Variants in AK7 observed in about 807,000 individuals in gnomAD.
AK7 encodes the protein ATP-AMP transphosphorylase 7.
In AK7, 78 loss-of-function variants were observed where a neutral mutation model predicts 96.6. The ratio of observed to expected loss-of-function variants is 0.81; its 90% CI spans 0.67 to 0.97. The LOEUF is 0.97. AK7 is among the 50% of genes least tolerant of loss of function. The probability of loss-of-function intolerance (pLI) is 0.00; values close to 1 mark genes in which losing one functional copy is unlikely to be tolerated. For missense variants in AK7, 855 were observed against 887.9 expected (o/e 0.96, Z 0.47); for synonymous variants, 302 against 317.2 (o/e 0.95, Z 0.51).
chr14:96,442,660 A>G, intron 6 of AK7, 70 bp from the exon 7 acceptor site: 1 of 1,185,860 alleles, frequency 8.4e-7, no homozygotes, highest in Non-Finnish European at 1.3e-6. Flanking sequence ...CTGACTGTAG[A>G]CTTATGTGTG....
intron 2 of AK7, among the ~76,000 whole-genome samples, chr14:96,402,185 GCACA>G (rs34222287): frequency 0.16 from 23,196 of 146,112 alleles, 1,811 homozygotes; most frequent in South Asian, 0.26. Flanking sequence ...ATACACAGAT[GCACA>G]CACACACACA....
At chr14:96,441,042 C>T (rs1197197006) in intron 6 of AK7, among the ~76,000 whole-genome samples, 3 of 151,908 alleles carry the variant, frequency 2.0e-5, no homozygotes, top group Non-Finnish European at 4.4e-5. Context: ...GGCAAGCGGG[C>T]ACATTCTTTT....
At chr14:96,394,420 G>A (rs189452449) in intron 1 of AK7, among the ~76,000 whole-genome samples, 2 of 152,344 alleles carry the variant, frequency 1.3e-5, no homozygotes, top group Admixed American at 6.5e-5. Flanking sequence ...TTTATAGCAT[G>A]CAATTGAGAA....
chr14:96,425,993 T>G (rs11851943), intron 5 of AK7, among the ~76,000 whole-genome samples: 10,695 of 152,206 alleles, frequency 0.07, 1,302 homozygotes, highest in African/African-American at 0.24. Context: ...GATTAGAGAA[T>G]TTAGTCCACT....
At position 96,457,878 on chromosome 14, in the gene AK7, C is replaced by T. The variant is rs182030442; in HGVS notation, c.1228-205C>T. 6.1e-3 allele frequency among the ~76,000 whole-genome samples: 931 copies of T among 152,282 alleles called. 3 individuals are homozygous for T. The highest frequency in any genetic ancestry group is 9.9e-3 in the Non-Finnish European group (675 of 68,018). On this transcript the variant is annotated intron_variant, in intron 11 of 17. Transcript: ENST00000267584. Reference sequence around the variant, plus strand: ...GGCATTAGCACAAAAATATACTATTCTCTTAAATATGCTGTAAGAAAAACC... The same window carrying T: ...GGCATTAGCACAAAAATATACTATTTTCTTAAATATGCTGTAAGAAAAACC...
intron 11 of AK7, among the ~76,000 whole-genome samples, chr14:96,457,875 A>T (rs986127338): frequency 6.6e-6 from 1 of 152,214 alleles, no homozygotes; most frequent in South Asian, 2.1e-4. Flanking sequence ...AAAATATACT[A>T]TTCTCTTAAA....
chr14:96,446,830 C>T (rs45598931), intron 8 of AK7, among the ~76,000 whole-genome samples: 161 of 152,122 alleles, frequency 1.1e-3, no homozygotes, highest in Admixed American at 1.7e-3. Flanking sequence ...ATCTCAGCTA[C>T]TCGGGAGGCT....
At chr14:96,415,838 A>C (rs1304388991) in intron 4 of AK7, among the ~76,000 whole-genome samples, 1 of 117,394 alleles carries the variant, frequency 8.5e-6, no homozygotes, top group Non-Finnish European at 1.9e-5. Context: ...TTAAGGTATC[A>C]ATTTTAATAA....
At chr14:96,481,429 C>T (rs1056238621) in intron 15 of AK7, among the ~76,000 whole-genome samples, 1 of 152,158 alleles carries the variant, frequency 6.6e-6, no homozygotes, top group Non-Finnish European at 1.5e-5. Context: ...TCACTGCAAC[C>T]TCTGCCTCCT....
chr14:96,417,185 G>C (rs535614097), intron 4 of AK7, among the ~76,000 whole-genome samples: 1 of 152,346 alleles, frequency 6.6e-6, no homozygotes, highest in East Asian at 1.9e-4. Context: ...TGAAGGCAAA[G>C]CTGACTACAC....
Position 96,412,426 on chromosome 14 carries a change from C to T in AK7, c.498+3485C>T, listed in dbSNP as rs548097954. On this transcript the variant is annotated intron_variant, in intron 4 of 17. Transcript: ENST00000267584. ...TATTTTTAGTAGAGATGGGTTTTCA[C>T]CATGTTGGTCAGGCTGGTCTCGAAC... 3.3e-5 allele frequency among the ~76,000 whole-genome samples: 5 copies of T among 151,550 alleles called. No individual in the cohort carries two copies. In the South Asian group the frequency reaches 1.0e-3, roughly 32 times the overall value.
intron 4 of AK7, among the ~76,000 whole-genome samples, chr14:96,418,321 C>CAAAAAAAA: frequency 1.6e-4 from 1 of 6,242 alleles, no homozygotes; most frequent in East Asian, 0.019. Flanking sequence ...GAGACCTTGT[C>CAAAAAAAA]TAAAAAAAAA....
At chr14:96,462,165 TG>T (rs1401203650) in intron 12 of AK7, among the ~76,000 whole-genome samples, 12 of 152,136 alleles carry the variant, frequency 7.9e-5, no homozygotes, top group Non-Finnish European at 1.6e-4. Flanking sequence ...AGAGGGGCCC[TG>T]GGAGGGGGCA....
chr14:96,438,771 C>G (rs1015112329), intron 6 of AK7, among the ~76,000 whole-genome samples: 1 of 152,100 alleles, frequency 6.6e-6, no homozygotes, highest in African/African-American at 2.4e-5. Flanking sequence ...TGAGGATGTA[C>G]TATTTGGGGC....
At chr14:96,434,618 T>G (rs796611626) in intron 5 of AK7, among the ~76,000 whole-genome samples, 2 of 152,234 alleles carry the variant, frequency 1.3e-5, no homozygotes, top group African/African-American at 4.8e-5. Context: ...CACTCAGGGC[T>G]CTGGGGCTCC....
intron 5 of AK7, among the ~76,000 whole-genome samples, chr14:96,429,036 C>T (rs151229083): frequency 9.2e-5 from 14 of 152,250 alleles, no homozygotes; most frequent in African/African-American, 3.4e-4. Flanking sequence ...GAAGTCCTTG[C>T]CCATGCCTCT....
intron 17 of AK7, chr14:96,488,053 C>T: frequency 2.5e-6 from 1 of 403,224 alleles, no homozygotes. Flanking sequence ...GCTGGGATTA[C>T]AGGCGCCTGC....
At chr14:96,470,860 C>T (rs1418669908) in intron 12 of AK7, among the ~76,000 whole-genome samples, 1 of 152,092 alleles carries the variant, frequency 6.6e-6, no homozygotes, top group African/African-American at 2.4e-5. Context: ...ACCCTGCGGG[C>T]GGGCGGAGCT....
At chr14:96,445,221 G>A (rs568909736) in intron 7 of AK7, among the ~76,000 whole-genome samples, 12 of 152,284 alleles carry the variant, frequency 7.9e-5, no homozygotes, top group Non-Finnish European at 1.3e-4. Flanking sequence ...CACAAATAAA[G>A]TCCATTGAAA....
Sources: allele counts gnomAD v4.1 joint callset (sites outside exome capture counted in the v4.1 genomes callset), GRCh38; gene constraint gnomAD v4.1.1; transcripts MANE v1.5; gene names NCBI Gene and HGNC (gene_info 2026-07-23, HGNC 2026-07-21).